Variants in EPM2A observed in about 807,000 individuals in gnomAD.
The protein encoded by EPM2A is laforin.
EPM2A carries 21 observed loss-of-function variants against 26.5 expected under a neutral mutation model. The ratio of observed to expected loss-of-function variants is 0.79; its 90% CI spans 0.56 to 1.14. The LOEUF is 1.14. Ranked by LOEUF, EPM2A falls within the 50% of genes most tolerant of loss-of-function variation. The pLI is 0.00. For missense variants in EPM2A, 458 were observed against 440.8 expected (o/e 1.04, Z -0.35); for synonymous variants, 217 against 177.6 (o/e 1.22, Z -1.76).
chr6:145,450,623 C>T (rs1779184867), intron 4 of EPM2A, among the ~76,000 whole-genome samples: 3 of 152,280 alleles, frequency 2.0e-5, no homozygotes, highest in Admixed American at 6.5e-5. Context: ...TGGGGAAATT[C>T]TCTGCAAATC....
intron 2 of EPM2A, among the ~76,000 whole-genome samples, chr6:145,505,436 TTTTCCTGAACTATGTA>T (rs1357992383): frequency 6.6e-6 from 1 of 151,990 alleles, no homozygotes; most frequent in African/African-American, 2.4e-5. Flanking sequence ...CGTACAATTT[TTTTCCTGAACTATGTA>T]AAAGTAAGCT....
At chr6:145,479,079 C>T (rs1779580329) in intron 4 of EPM2A, among the ~76,000 whole-genome samples, 1 of 151,232 alleles carries the variant, frequency 6.6e-6, no homozygotes. Context: ...TTTGTCTTTA[C>T]TGATTTTTGA....
At chr6:145,549,486 A>G (rs1057315027) in intron 2 of EPM2A, among the ~76,000 whole-genome samples, 1 of 152,154 alleles carries the variant, frequency 6.6e-6, no homozygotes, top group African/African-American at 2.4e-5. Flanking sequence ...CAGAGTATTC[A>G]TGAGGCAGAA....
intron 2 of EPM2A, among the ~76,000 whole-genome samples, chr6:145,561,676 A>G (rs1237524556): frequency 6.6e-6 from 1 of 152,140 alleles, no homozygotes; most frequent in Non-Finnish European, 1.5e-5. Context: ...TAACTGTTGC[A>G]TGATTGAATG....
intron 4 of EPM2A, among the ~76,000 whole-genome samples, chr6:145,421,007 C>T (rs1016673867): frequency 6.6e-6 from 1 of 152,170 alleles, no homozygotes; most frequent in Non-Finnish European, 1.5e-5. Context: ...CCTCTCAGCA[C>T]TGTTGCACTG....
At chr6:145,408,540 G>C (rs1447143151) in intron 4 of EPM2A, among the ~76,000 whole-genome samples, 1 of 152,074 alleles carries the variant, frequency 6.6e-6, no homozygotes, top group Non-Finnish European at 1.5e-5. Flanking sequence ...CACTTACTTT[G>C]CTTAGCCATG....
At chr6:145,512,677 C>T (rs1393377188) in intron 2 of EPM2A, among the ~76,000 whole-genome samples, 1 of 130,298 alleles carries the variant, frequency 7.7e-6, no homozygotes, top group East Asian at 2.4e-4. Flanking sequence ...CACCACTGTA[C>T]TCCAGCCCGG....
chr6:145,401,431 T>C (rs1778484517), intron 4 of EPM2A, among the ~76,000 whole-genome samples: 1 of 152,136 alleles, frequency 6.6e-6, no homozygotes, highest in African/African-American at 2.4e-5. Context: ...CTTATTTTAT[T>C]TCCAATTACT....
At chr6:145,495,134 C>A (rs1200980893) in intron 4 of EPM2A, among the ~76,000 whole-genome samples, 2 of 152,072 alleles carry the variant, frequency 1.3e-5, no homozygotes, top group African/African-American at 4.8e-5. Context: ...TCTTTGGAGG[C>A]CTCTAAAAAC....
chr6:145,703,943 C>T (rs895559720), intron 1 of EPM2A, among the ~76,000 whole-genome samples: 1 of 152,150 alleles, frequency 6.6e-6, no homozygotes, highest in African/African-American at 2.4e-5. Context: ...ATAGGCATCA[C>T]TGGTATTATC....
At chr6:145,697,659 A>G (rs999967086) in intron 1 of EPM2A, among the ~76,000 whole-genome samples, 3 of 152,012 alleles carry the variant, frequency 2.0e-5, no homozygotes, top group Non-Finnish European at 4.4e-5. Flanking sequence ...TCTCTTTCTC[A>G]GGGGTGTTCC....
chr6:145,597,983 A>G (rs76627964), intron 2 of EPM2A, among the ~76,000 whole-genome samples: 10,221 of 152,194 alleles, frequency 0.067, 1,155 homozygotes, highest in African/African-American at 0.23. Context: ...ACTGATGGGC[A>G]GTTAGGTTGA....
intron 1 of EPM2A, among the ~76,000 whole-genome samples, chr6:145,728,415 T>A (rs1268693986): frequency 6.6e-6 from 1 of 152,110 alleles, no homozygotes; most frequent in Admixed American, 6.5e-5. Flanking sequence ...GACAGTGAAG[T>A]CCAGGCTGAG....
chr6:145,465,811 C>A (rs933761505), intron 4 of EPM2A, among the ~76,000 whole-genome samples: 1 of 152,064 alleles, frequency 6.6e-6, no homozygotes, highest in Non-Finnish European at 1.5e-5. Flanking sequence ...TGGAACAGAA[C>A]AGAGGCCTCA....
At chr6:145,531,315 C>A (rs548732179) in intron 2 of EPM2A, among the ~76,000 whole-genome samples, 13 of 152,208 alleles carry the variant, frequency 8.5e-5, no homozygotes, top group Admixed American at 5.2e-4. Flanking sequence ...CCAATATAAA[C>A]CCCAAGGAAA....
At chr6:145,589,434 C>G (rs541697693) in intron 2 of EPM2A, among the ~76,000 whole-genome samples, 1 of 152,190 alleles carries the variant, frequency 6.6e-6, no homozygotes, top group East Asian at 1.9e-4. Flanking sequence ...AGCAATCAGA[C>G]AGAGGGATTT....
downstream of EPM2A, among the ~76,000 whole-genome samples, chr6:145,624,606 T>C (rs1775707620): frequency 6.6e-6 from 1 of 152,212 alleles, no homozygotes; most frequent in Admixed American, 6.5e-5. Flanking sequence ...TGCTCCTCTG[T>C]AAAATAAAGG....
intron 4 of EPM2A, among the ~76,000 whole-genome samples, chr6:145,444,638 C>G (rs1324274301): frequency 6.6e-6 from 1 of 152,178 alleles, no homozygotes; most frequent in Non-Finnish European, 1.5e-5. Flanking sequence ...AATTAAATAG[C>G]TTATTTATAG....
downstream of EPM2A, among the ~76,000 whole-genome samples, chr6:145,621,652 A>ATATCTCAT (rs899233252): frequency 2.0e-5 from 3 of 150,434 alleles, no homozygotes; most frequent in Non-Finnish European, 4.4e-5. Context: ...TGTGAGGTTG[A>ATATCTCAT]TATCTCATTG....
Sources: gnomAD v4.1 joint callset for allele counts (sites outside exome capture counted in the v4.1 genomes callset) on GRCh38, gnomAD v4.1.1 for gene constraint, MANE v1.5 for transcripts, NCBI Gene and HGNC (gene_info 2026-07-23, HGNC 2026-07-21) for gene names.